LSP1: variants seen among roughly 807,000 people sequenced by gnomAD.
LSP1 encodes the protein lymphocyte-specific protein 1.
LSP1 carries 32 observed loss-of-function variants against 49.3 expected under a neutral mutation model. The observed-to-expected ratio is 0.65, with a 90% CI of 0.49 to 0.87. The LOEUF (loss-of-function observed/expected upper bound fraction) is 0.87, where lower values mean the gene tolerates loss of function less well. LSP1 is among the 40% of genes least tolerant of loss of function. The pLI, the probability that LSP1 is intolerant of heterozygous loss-of-function variation, is 0.00. For missense variants in LSP1, 428 were observed against 442.6 expected, an observed-to-expected ratio of 0.97 and a Z score of 0.30; for synonymous variants, 179 against 178.8, an observed-to-expected ratio of 1.00 and a Z score of -0.01.
chr11:1,878,345 A>C (rs377448524), intron 1 of LSP1, among the ~76,000 whole-genome samples: 3 of 152,338 alleles, frequency 2.0e-5, no homozygotes, highest in Non-Finnish European at 2.9e-5. Context: ...AGCCATGCGG[A>C]GGCCGGCAGA....
At position 1,884,318 on chromosome 11, in the gene LSP1, G is replaced by A. The variant is rs200167082; in HGVS notation, c.630G>A (p.Glu210=). The part of the protein sequence containing the change: ...DRTESLNRSI[E]KSNSVKKSQP... ...CCGAGTCCCTAAACCGCTCCATAGA[G>A]AAGAGGTCTGTCTGTCTGTCTGTCT... The change falls in exon 6 of 11, where the codon GAG becomes GAA. Residue 210 remains glutamate, a synonymous_variant. Coordinates refer to ENST00000311604, the MANE Select transcript of LSP1 (RefSeq NM_002339.3). This position sits in a 1 kb window ranked among gnomAD's most constrained non-coding sequence, Gnocchi z 4.1. The A allele has an allele frequency of 2.0e-5, 32 of 1,614,014 alleles. No homozygotes were observed. The highest frequency in any genetic ancestry group is 1.6e-4 in the Middle Eastern group (1 of 6,084).
chr11:1,883,431 T>C lies in LSP1; in HGVS notation c.369T>C (p.His123=). Residue 123 remains histidine, a synonymous_variant, in exon 4 of 11, where the codon CAT becomes CAC. Transcript: ENST00000311604. ...EGEQEDRPGL[H]AYEKEDSDEV... is the part of the protein sequence containing the mutation. ...TTTCCACCCACAGGCCCGGCCTGCA[T>C]GCCTACGAAAAGGAGGACAGTGATG... 1 of 1,614,022 alleles carries C rather than the reference T, an allele frequency of 6.2e-7. No individual in the cohort carries two copies. The highest frequency in any genetic ancestry group is 1.7e-5 in the Admixed American group (1 of 60,020).
In LSP1 at chr11:1,884,697, C is replaced by A; in HGVS notation, c.717+116C>A. The A allele has an allele frequency of 2.5e-6, 2 of 793,798 alleles. No homozygotes were observed. The highest frequency in any genetic ancestry group is 4.2e-6 in the Non-Finnish European group (2 of 477,850). 49.2% of individuals were successfully genotyped at this position (793,798 alleles called of 1,614,324 possible). On this transcript the variant is annotated intron_variant, in intron 7 of 10. Transcript: ENST00000311604. The surrounding 1 kb of genome is among the most constrained non-coding windows in gnomAD (Gnocchi z 4.1). ...CGCCTTATTCAACCAACACCCTATC[C>A]AACCAATGCTTCTCCATCCAGTCAG...
intron 1 of LSP1, among the ~76,000 whole-genome samples, chr11:1,861,226 A>G (rs1331286053): frequency 3.3e-5 from 5 of 152,248 alleles, no homozygotes; most frequent in Admixed American, 3.3e-4. Context: ...CCATGAGGCT[A>G]TCATACGTAA....
At chr11:1,878,920 C>T (rs1848423418) in intron 1 of LSP1, among the ~76,000 whole-genome samples, 1 of 152,062 alleles carries the variant, frequency 6.6e-6, no homozygotes, top group Admixed American at 6.5e-5. Flanking sequence ...TGGGCCGGGG[C>T]TCTGATGCCC....
Position 1,889,266 on chromosome 11 carries a change from C to T in LSP1, c.*13+1690C>T, listed in dbSNP as rs746982966. 30 of 679,174 alleles carry T rather than the reference C, an allele frequency of 4.4e-5. No individual in the cohort carries two copies. In the East Asian group the frequency reaches 6.3e-4, roughly 14 times the overall value. 42.1% of individuals were successfully genotyped at this position (679,174 alleles called of 1,614,324 possible). A position where few individuals can be genotyped will look rare whatever the true frequency, so the allele number is the denominator to read the frequency against. On this transcript the variant is annotated intron_variant, in intron 10 of 10. Coordinates refer to ENST00000311604, the MANE Select transcript of LSP1 (RefSeq NM_002339.3). The stretch of plus-strand genomic sequence containing the variant: ...CTCCTGCAGCTTCCGGGCGTTGAAG[C>T]GAGGCCGGTACAGGAAGGGCAGGCG...
At chr11:1,876,707 A>T in intron 1 of LSP1, 17 of 874,330 alleles carry the variant, frequency 1.9e-5, no homozygotes, top group Non-Finnish European at 2.2e-5. Flanking sequence ...GGGGACTGGG[A>T]GGTAGAAGTG....
intron 10 of LSP1, chr11:1,889,679 G>A (rs373801302): frequency 9.8e-5 from 62 of 634,706 alleles, no homozygotes; most frequent in Middle Eastern, 2.5e-4. Flanking sequence ...CCTCAGCGGC[G>A]GGGCCAGCCA....
chr11:1,863,841 C>G (rs1847705990), intron 1 of LSP1, among the ~76,000 whole-genome samples: 1 of 152,166 alleles, frequency 6.6e-6, no homozygotes, highest in African/African-American at 2.4e-5. Context: ...TGTGCCAATA[C>G]CAAACCGAAG....
chr11:1,891,387 C>A (rs1848995195), intron 10 of LSP1: 1 of 152,018 alleles, frequency 6.6e-6, no homozygotes. Flanking sequence ...AAGAACAGAG[C>A]TGCTGGAGGG....
intron 1 of LSP1, chr11:1,868,965 G>A (rs906807541): frequency 2.3e-5 from 23 of 986,104 alleles, no homozygotes; most frequent in Admixed American, 6.1e-5. Context: ...CTGAGCATCC[G>A]GCTCAGAGCG....
intron 1 of LSP1, among the ~76,000 whole-genome samples, chr11:1,854,781 C>T (rs976735966): frequency 9.9e-5 from 15 of 152,188 alleles, no homozygotes; most frequent in Non-Finnish European, 2.2e-4. Flanking sequence ...GCACCACCCC[C>T]AGCCCTGGAC....
chr11:1,864,859 C>T (rs1847735565), intron 1 of LSP1, among the ~76,000 whole-genome samples: 1 of 151,778 alleles, frequency 6.6e-6, no homozygotes, highest in South Asian at 2.1e-4. Flanking sequence ...AGGGACCAGG[C>T]TGCCCAAGGG....
At chr11:1,889,511 T>C in intron 10 of LSP1, 1 of 618,470 alleles carries the variant, frequency 1.6e-6, no homozygotes, top group Non-Finnish European at 3.0e-6. Flanking sequence ...GCCGCGGCTC[T>C]GGGCACGGAG....
intron 1 of LSP1, among the ~76,000 whole-genome samples, chr11:1,872,727 G>A (rs1385001643): frequency 1.3e-5 from 2 of 149,800 alleles, no homozygotes; most frequent in Non-Finnish European, 3.0e-5. Context: ...GCCTGCGCTG[G>A]TAGAGTTGGG....
At chr11:1,858,147 A>G (rs937977236) in intron 1 of LSP1, among the ~76,000 whole-genome samples, 37 of 152,162 alleles carry the variant, frequency 2.4e-4, no homozygotes, top group Admixed American at 2.0e-3. Context: ...ACGGAAACCG[A>G]GGCTCACAGG....
chr11:1,885,990 C>G (rs1269701674), intron 7 of LSP1, among the ~76,000 whole-genome samples: 3 of 152,104 alleles, frequency 2.0e-5, no homozygotes, highest in Non-Finnish European at 4.4e-5. Context: ...ATTCCTCCAT[C>G]CAATTAATGC....
intron 1 of LSP1, among the ~76,000 whole-genome samples, chr11:1,866,275 G>T (rs1460344509): frequency 1.3e-5 from 2 of 152,190 alleles, no homozygotes; most frequent in Non-Finnish European, 2.9e-5. Flanking sequence ...GCCGGACCTC[G>T]AGCTACTGGA....
intron 1 of LSP1, among the ~76,000 whole-genome samples, chr11:1,878,517 G>C (rs1327374654): frequency 6.6e-6 from 1 of 152,048 alleles, no homozygotes; most frequent in Non-Finnish European, 1.5e-5. Context: ...GGGTTTGCGT[G>C]GCTGGAGTCC....
Sources: gnomAD v4.1 joint callset for allele counts (sites outside exome capture counted in the v4.1 genomes callset) on GRCh38, gnomAD v4.1.1 for gene constraint, Gnocchi (gnomAD v3.1) non-coding constraint, MANE v1.5 for transcripts, NCBI Gene and HGNC (gene_info 2026-07-23, HGNC 2026-07-21) for gene names.